Variants in PRKCE observed in about 807,000 individuals in gnomAD.
The protein encoded by PRKCE is protein kinase C epsilon type.
Under a neutral mutation model 85.4 loss-of-function variants are expected in PRKCE, and 16 were observed. The ratio of observed to expected loss-of-function variants is 0.19; its 90% CI spans 0.13 to 0.28. The LOEUF is 0.28. PRKCE is among the 10% of genes least tolerant of loss of function. The pLI is 1.00. For missense variants in PRKCE, 573 were observed against 975.2 expected (o/e 0.59, Z 5.49); for synonymous variants, 388 against 371.5 (o/e 1.04, Z -0.51).
At chr2:45,827,130 C>T (rs949834373) in intron 1 of PRKCE, among the ~76,000 whole-genome samples, 1 of 152,250 alleles carries the variant, frequency 6.6e-6, no homozygotes, top group Non-Finnish European at 1.5e-5. Context: ...GCCCTCCACA[C>T]TCTGCTCCAG....
intron 2 of PRKCE, among the ~76,000 whole-genome samples, chr2:45,878,982 C>G (rs1694681370): frequency 6.6e-6 from 1 of 152,204 alleles, no homozygotes. Context: ...CAGAGAAATT[C>G]TAGACGGAAA....
intron 1 of PRKCE, among the ~76,000 whole-genome samples, chr2:45,720,559 A>G (rs527770219): frequency 6.6e-6 from 1 of 152,296 alleles, no homozygotes; most frequent in Non-Finnish European, 1.5e-5. Flanking sequence ...CATGGTCACT[A>G]AAAGCCAGTA....
At chr2:45,954,746 A>T (rs956569057) in intron 2 of PRKCE, among the ~76,000 whole-genome samples, 1 of 152,248 alleles carries the variant, frequency 6.6e-6, no homozygotes, top group Non-Finnish European at 1.5e-5. Flanking sequence ...TACTTATTGC[A>T]TGCTCTTGTA....
At chr2:45,658,335 T>C (rs1394969407) in intron 1 of PRKCE, among the ~76,000 whole-genome samples, 2 of 152,236 alleles carry the variant, frequency 1.3e-5, no homozygotes, top group Non-Finnish European at 2.9e-5. Flanking sequence ...CCTCTTGGCA[T>C]TGGGTCCCTA....
intron 10 of PRKCE, among the ~76,000 whole-genome samples, chr2:46,047,747 A>G (rs1303611346): frequency 6.6e-6 from 1 of 152,202 alleles, no homozygotes; most frequent in Non-Finnish European, 1.5e-5. Flanking sequence ...TAAGAATGCT[A>G]CATAACTCAA....
intron 11 of PRKCE, among the ~76,000 whole-genome samples, chr2:46,126,449 A>G (rs762640734): frequency 1.3e-5 from 2 of 152,116 alleles, no homozygotes; most frequent in Non-Finnish European, 2.9e-5. Context: ...ATGGACTCCC[A>G]TGGGGGAGTC....
At chr2:45,818,830 T>G (rs1689291837) in intron 1 of PRKCE, among the ~76,000 whole-genome samples, 1 of 152,218 alleles carries the variant, frequency 6.6e-6, no homozygotes, top group African/African-American at 2.4e-5. Context: ...CGAAAACCTA[T>G]GCAAACACTC....
At chr2:45,753,562 C>T (rs570615861) in intron 1 of PRKCE, among the ~76,000 whole-genome samples, 107 of 147,986 alleles carry the variant, frequency 7.2e-4, no homozygotes, top group African/African-American at 2.5e-3. Flanking sequence ...GTGCTGAGCC[C>T]GCCTTGAGAC....
intron 6 of PRKCE, among the ~76,000 whole-genome samples, chr2:45,990,463 C>T (rs866982853): frequency 1.3e-5 from 2 of 152,174 alleles, no homozygotes; most frequent in African/African-American, 4.8e-5. Context: ...AATCAGGAGG[C>T]AGCTTAGGGG....
chr2:45,984,768 C>A, intron 6 of PRKCE, 88 bp downstream of exon 6: 1 of 1,512,628 alleles, frequency 6.6e-7, no homozygotes, highest in South Asian at 1.3e-5. Flanking sequence ...AAACCCTTGT[C>A]TGATTCCAGA....
chr2:45,987,396 G>A (rs893547012), intron 6 of PRKCE, among the ~76,000 whole-genome samples: 20 of 152,194 alleles, frequency 1.3e-4, no homozygotes, highest in African/African-American at 4.8e-4. Context: ...CTCTTCTGTG[G>A]CTCTGATGTT....
intron 6 of PRKCE, chr2:46,000,911 C>G (rs569884823): frequency 6.6e-6 from 1 of 152,266 alleles, no homozygotes; most frequent in East Asian, 1.9e-4. Flanking sequence ...CTCGGAAGAG[C>G]TGTTGATTTT....
intron 10 of PRKCE, among the ~76,000 whole-genome samples, chr2:46,035,889 T>C (rs1055860083): frequency 1.3e-5 from 2 of 152,184 alleles, no homozygotes; most frequent in African/African-American, 2.4e-5. Context: ...CCTGTCCTCA[T>C]AGAGCTTCAA....
chr2:45,744,337 G>A (rs1020612922), intron 1 of PRKCE, among the ~76,000 whole-genome samples: 2 of 152,046 alleles, frequency 1.3e-5, no homozygotes, highest in Admixed American at 6.5e-5. Flanking sequence ...GTTTTTCTCC[G>A]AATTCTGGCC....
rs1696057206 is a variant in PRKCE, at chr2:45,895,381, ACT to A, written c.412+52321_412+52322del. ...AGTGGGACTTTTTCATTAAAACAAG[ACT>A]CTGCTATACAATGAGGGGAGGCCTA... On this transcript the variant is annotated intron_variant, in intron 2 of 14. Transcript: ENST00000306156. This position sits in a 1 kb window ranked among gnomAD's most constrained non-coding sequence, Gnocchi z 4.8. Among the ~76,000 whole-genome samples, 1 of 152,032 alleles carries A rather than the reference ACT, an allele frequency of 6.6e-6. No homozygotes were observed. Among genetic ancestry groups the A allele is most frequent in the South Asian group, 2.1e-4 (1 of 4,822 alleles).
chr2:45,725,253 A>T (rs533821632), intron 1 of PRKCE, among the ~76,000 whole-genome samples: 41 of 152,308 alleles, frequency 2.7e-4, no homozygotes, highest in Middle Eastern at 3.4e-3. Flanking sequence ...TGAATATTTT[A>T]GCCCACCATT....
intron 14 of PRKCE, among the ~76,000 whole-genome samples, chr2:46,160,760 G>A (rs896130950): frequency 6.6e-6 from 1 of 152,202 alleles, no homozygotes; most frequent in African/African-American, 2.4e-5. Context: ...CCTGTGCCTT[G>A]TGAACCATCA....
At chr2:45,689,003 A>G (rs1246421541) in intron 1 of PRKCE, among the ~76,000 whole-genome samples, 2 of 152,226 alleles carry the variant, frequency 1.3e-5, no homozygotes, top group Non-Finnish European at 2.9e-5. Context: ...TGGCCAGAAC[A>G]TAAGAACACA....
intron 2 of PRKCE, among the ~76,000 whole-genome samples, chr2:45,950,121 C>G (rs1034571841): frequency 1.3e-5 from 2 of 152,130 alleles, no homozygotes; most frequent in African/African-American, 4.8e-5. Flanking sequence ...GAACACTTGC[C>G]TAAAATGAAT....
Sources: allele counts gnomAD v4.1 joint callset (sites outside exome capture counted in the v4.1 genomes callset), GRCh38; gene constraint gnomAD v4.1.1; non-coding constraint Gnocchi (gnomAD v3.1); transcripts MANE v1.5; gene names NCBI Gene and HGNC (gene_info 2026-07-23, HGNC 2026-07-21).